The following CNTNAP2 variants were observed in gnomAD, a reference collection of about 807,000 sequenced individuals.
The protein encoded by CNTNAP2 is contactin associated protein 2.
In CNTNAP2, 98 loss-of-function variants were observed where a neutral mutation model predicts 155.2. The observed-to-expected ratio is 0.63, with a 90% CI of 0.54 to 0.75. The LOEUF (loss-of-function observed/expected upper bound fraction) is 0.75. Ranked by LOEUF, CNTNAP2 falls within the 30% of genes least tolerant of loss-of-function variation. CNTNAP2 has a pLI of 0.00. For synonymous variants in CNTNAP2, 651 were observed against 631.2 expected, an observed-to-expected ratio of 1.03 and a Z score of -0.47; for missense variants, 1,727 against 1,688.1, an observed-to-expected ratio of 1.02 and a Z score of -0.40.
chr7:147,277,244 A>T (rs1804917106), intron 8 of CNTNAP2, among the ~76,000 whole-genome samples: 1 of 152,014 alleles, frequency 6.6e-6, no homozygotes, highest in South Asian at 2.1e-4. Context: ...AAATAGGAAC[A>T]TTTAAGACTG....
In CNTNAP2 at chr7:146,482,206, G is replaced by GAAAA. The variant is rs749887909; in HGVS notation, c.98-292048_98-292045dup. Among the ~76,000 whole-genome samples, 35 of 82,066 alleles carry GAAAA rather than the reference G, an allele frequency of 4.3e-4. 2 individuals carry two copies. Among genetic ancestry groups the GAAAA allele is most frequent in the African/African-American group, 1.3e-3 (27 of 20,984 alleles). 53.8% of individuals were successfully genotyped at this position (82,066 alleles called of 152,430 possible). On this transcript the variant is annotated intron_variant, in intron 1 of 23. Transcript: ENST00000361727. ...TGGAAGAGCCAGAGGCTAAGAATTA[G>GAAAA]AAAAAAAAAAAAAAAAAAAACTCCA...
chr7:147,884,908 C>CA (rs61343897), intron 13 of CNTNAP2, among the ~76,000 whole-genome samples: 2 of 151,794 alleles, frequency 1.3e-5, no homozygotes, highest in Non-Finnish European at 2.9e-5. Flanking sequence ...GTGTTATAAA[C>CA]AAAAAAAGGA....
At chr7:148,124,645 T>C (rs1258548844) in intron 16 of CNTNAP2, among the ~76,000 whole-genome samples, 1 of 152,210 alleles carries the variant, frequency 6.6e-6, no homozygotes, top group Non-Finnish European at 1.5e-5. Flanking sequence ...GCTTTGCAAG[T>C]GCCAGGCCCT....
chr7:147,668,661 G>C (rs1795738410), intron 13 of CNTNAP2, among the ~76,000 whole-genome samples: 1 of 151,960 alleles, frequency 6.6e-6, no homozygotes, highest in South Asian at 2.1e-4. Flanking sequence ...CTTAAGGTAA[G>C]GATATAAAGA....
intron 21 of CNTNAP2, among the ~76,000 whole-genome samples, chr7:148,345,814 T>C (rs1798316326): frequency 6.6e-6 from 1 of 152,228 alleles, no homozygotes; most frequent in Admixed American, 6.5e-5. Flanking sequence ...TCTTATCTGT[T>C]CTAAACTTCC....
Position 146,179,311 on chromosome 7 carries a change from C to T in CNTNAP2, c.97+62338C>T, listed in dbSNP as rs146984298. ...GGACATGGGGTAAATAAAAATAGAACCGTAAGGAATACTTGGGGAGGGGGT... is the reference window on the plus strand; with the variant it reads ...GGACATGGGGTAAATAAAAATAGAATCGTAAGGAATACTTGGGGAGGGGGT... On this transcript the variant is annotated intron_variant, in intron 1 of 23. Transcript: ENST00000361727. Among the ~76,000 whole-genome samples the T allele has an allele frequency of 2.0e-3, 308 of 152,132 alleles. 1 individual carries two copies. The highest frequency in any genetic ancestry group is 7.2e-3 in the African/African-American group (297 of 41,520).
chr7:146,407,562 C>T (rs1018475523), intron 1 of CNTNAP2, among the ~76,000 whole-genome samples: 1 of 152,172 alleles, frequency 6.6e-6, no homozygotes, highest in Non-Finnish European at 1.5e-5. Context: ...GAGGAGAGAA[C>T]TGTAGAGAAA....
chr7:146,205,547 A>G (rs1798932740), intron 1 of CNTNAP2, among the ~76,000 whole-genome samples: 1 of 151,876 alleles, frequency 6.6e-6, no homozygotes, highest in Non-Finnish European at 1.5e-5. Context: ...TGAAAGTAAA[A>G]TCACTTAAGA....
intron 1 of CNTNAP2, among the ~76,000 whole-genome samples, chr7:146,642,554 A>G (rs1458186560): frequency 4.6e-5 from 7 of 151,302 alleles, no homozygotes; most frequent in South Asian, 4.2e-4. Context: ...CATCCAGTCT[A>G]TCATTGTTGG....
chr7:148,308,580 T>C (rs1248488996), intron 21 of CNTNAP2, among the ~76,000 whole-genome samples: 2 of 101,808 alleles, frequency 2.0e-5, no homozygotes, highest in Admixed American at 1.9e-4. Flanking sequence ...TTTATTTATT[T>C]ATTTATTTAT....
intron 5 of CNTNAP2, among the ~76,000 whole-genome samples, chr7:147,115,238 G>T (rs1198149658): frequency 6.6e-6 from 1 of 152,110 alleles, no homozygotes; most frequent in Non-Finnish European, 1.5e-5. Flanking sequence ...TTTCTCTCTG[G>T]CTGCCTTTAA....
chr7:148,234,063 C>T (rs1266100823), intron 20 of CNTNAP2, among the ~76,000 whole-genome samples: 1 of 152,154 alleles, frequency 6.6e-6, no homozygotes, highest in Non-Finnish European at 1.5e-5. Flanking sequence ...AACTGTGAGT[C>T]AATTAAACCT....
At chr7:148,169,336 AC>A (rs752464041) in intron 17 of CNTNAP2, among the ~76,000 whole-genome samples, 3 of 152,312 alleles carry the variant, frequency 2.0e-5, no homozygotes, top group South Asian at 4.1e-4. Flanking sequence ...AAAATCTCAT[AC>A]CCTACTGGTG....
At chr7:148,029,624 AT>A (rs1238337518) in intron 15 of CNTNAP2, among the ~76,000 whole-genome samples, 2 of 152,224 alleles carry the variant, frequency 1.3e-5, no homozygotes, top group Non-Finnish European at 2.9e-5. Flanking sequence ...GATGGTTTCC[AT>A]AAATATCAGC....
intron 13 of CNTNAP2, among the ~76,000 whole-genome samples, chr7:147,679,508 T>C (rs974768996): frequency 1.3e-5 from 2 of 151,870 alleles, no homozygotes; most frequent in Admixed American, 1.3e-4. Flanking sequence ...TTTCTAAAAA[T>C]ATGGCCACGT....
chr7:148,288,907 A>T (rs988702733), intron 21 of CNTNAP2, among the ~76,000 whole-genome samples: 5 of 141,494 alleles, frequency 3.5e-5, no homozygotes, highest in African/African-American at 1.1e-4. Context: ...TTCTACTTTG[A>T]CTTTTTAATT....
chr7:147,564,335 G>T (rs1242268380), intron 12 of CNTNAP2, among the ~76,000 whole-genome samples: 2 of 152,100 alleles, frequency 1.3e-5, no homozygotes, highest in East Asian at 3.9e-4. Flanking sequence ...TTACCAGAGA[G>T]ATTAATCTAA....
intron 14 of CNTNAP2, among the ~76,000 whole-genome samples, chr7:147,946,193 A>C (rs1055687826): frequency 5.3e-5 from 8 of 152,148 alleles, no homozygotes; most frequent in Admixed American, 5.2e-4. Flanking sequence ...CTTTCTTCAA[A>C]ATACAGCAAG....
chr7:146,163,525 ATC>A (rs1554398422), intron 1 of CNTNAP2, among the ~76,000 whole-genome samples: 11 of 144,880 alleles, frequency 7.6e-5, no homozygotes, highest in East Asian at 5.9e-4. Flanking sequence ...ATCTATATAT[ATC>A]TATATATATC....
Sources: gnomAD v4.1 joint callset for allele counts (sites outside exome capture counted in the v4.1 genomes callset) on GRCh38, gnomAD v4.1.1 for gene constraint, MANE v1.5 for transcripts, NCBI Gene and HGNC (gene_info 2026-07-23, HGNC 2026-07-21) for gene names.